The following LIPA variants were observed in gnomAD, a reference collection of about 807,000 sequenced individuals.
The protein encoded by LIPA is lipase A, lysosomal acid type.
A neutral mutation model predicts 40.6 loss-of-function variants in LIPA; 26 were observed. That is an observed-to-expected ratio of 0.64 (90% CI 0.47 to 0.89). LIPA has a LOEUF of 0.89. Among genes scored for constraint, LIPA ranks in the 40% least tolerant of loss-of-function variants. LIPA has a pLI of 0.00. For missense variants in LIPA, 455 were observed against 479.6 expected, an observed-to-expected ratio of 0.95 and a Z score of 0.48; for synonymous variants, 188 against 168.4, an observed-to-expected ratio of 1.12 and a Z score of -0.90.
chr10:89,392,640 A>G, intron 2 of LIPA: 1 of 1,557,036 alleles, frequency 6.4e-7, no homozygotes, highest in Non-Finnish European at 8.9e-7. Context: ...AATCCACAAG[A>G]CAGAATAGCC....
At chr10:89,305,897 C>A (rs1843474692) in intron 1 of LIPA, 2 of 1,132,810 alleles carry the variant, frequency 1.8e-6, no homozygotes, top group Non-Finnish European at 1.3e-6. Context: ...TTTTATTTGC[C>A]ATGCTCCCAT....
intron 1 of LIPA, among the ~76,000 whole-genome samples, chr10:89,293,046 T>A (rs1322452650): frequency 6.6e-6 from 1 of 152,072 alleles, no homozygotes; most frequent in Non-Finnish European, 1.5e-5. Flanking sequence ...CAAATTATAA[T>A]CCCCATAATC....
At chr10:89,222,267 G>A (rs1013026675) in intron 8 of LIPA, among the ~76,000 whole-genome samples, 1 of 152,182 alleles carries the variant, frequency 6.6e-6, no homozygotes, top group Non-Finnish European at 1.5e-5. Context: ...CTTGAGGAAG[G>A]GAGAGGAGGG....
At chr10:89,250,102 TC>T (rs1843095775) in intron 1 of LIPA, among the ~76,000 whole-genome samples, 7 of 124,310 alleles carry the variant, frequency 5.6e-5, no homozygotes, top group African/African-American at 1.7e-4. Context: ...TCTTTTCTTT[TC>T]TTTCTTTTTT....
intron 1 of LIPA, chr10:89,284,457 G>A (rs1843330812): frequency 6.6e-6 from 1 of 152,196 alleles, no homozygotes; most frequent in Non-Finnish European, 1.5e-5. Context: ...AGCCTCCAGT[G>A]AAGCTGGGCT....
At chr10:89,393,168 T>C in intron 2 of LIPA, 2 of 1,290,618 alleles carry the variant, frequency 1.5e-6, no homozygotes, top group Non-Finnish European at 2.0e-6. Flanking sequence ...TCTTGCAGCC[T>C]CTCTGATGTC....
At chr10:89,407,184 T>C (rs1841423603) in intron 2 of LIPA, among the ~76,000 whole-genome samples, 1 of 152,156 alleles carries the variant, frequency 6.6e-6, no homozygotes, top group East Asian at 1.9e-4. Flanking sequence ...TCATTGACCC[T>C]GCGGCCATGA....
At chr10:89,237,599 C>T (rs1041369760) in intron 3 of LIPA, among the ~76,000 whole-genome samples, 6 of 152,114 alleles carry the variant, frequency 3.9e-5, no homozygotes, top group African/African-American at 1.2e-4. Context: ...CTGCCCTTAC[C>T]TATAAATCTG....
intron 1 of LIPA, chr10:89,306,805 G>T: frequency 6.2e-7 from 1 of 1,614,090 alleles, no homozygotes; most frequent in Non-Finnish European, 8.5e-7. Flanking sequence ...ATGCCTACCT[G>T]CATTGCCAAA....
At chr10:89,339,113 A>G (rs758401174) in intron 1 of LIPA, 15 of 1,614,004 alleles carry the variant, frequency 9.3e-6, no homozygotes, top group Middle Eastern at 1.6e-4. Context: ...GGAAGAAATG[A>G]AAGGGCGAAG....
intron 2 of LIPA, chr10:89,392,856 T>C: frequency 2.3e-6 from 2 of 857,438 alleles, no homozygotes; most frequent in South Asian, 1.5e-5. Context: ...ATGGACTGAA[T>C]GTGTGCATGC....
chr10:89,317,330 G>A (rs1406719943), intron 1 of LIPA, among the ~76,000 whole-genome samples: 4 of 152,126 alleles, frequency 2.6e-5, no homozygotes, highest in Non-Finnish European at 5.9e-5. Context: ...AAAAAGATTC[G>A]ACGAATGGCT....
At chr10:89,355,438 C>A (rs188720846) in intron 2 of LIPA, among the ~76,000 whole-genome samples, 1 of 152,250 alleles carries the variant, frequency 6.6e-6, no homozygotes, top group Admixed American at 6.5e-5. Context: ...AGCCTGAAGG[C>A]TGCAATCCCC....
chr10:89,257,106 A>C (rs1843185276), intron 1 of LIPA, among the ~76,000 whole-genome samples: 1 of 152,258 alleles, frequency 6.6e-6, no homozygotes, highest in South Asian at 2.1e-4. Context: ...ACGAGGATCA[A>C]TAACAAGGGT....
chr10:89,225,841 G>A (rs553770940), intron 5 of LIPA, among the ~76,000 whole-genome samples: 1 of 152,218 alleles, frequency 6.6e-6, no homozygotes, highest in South Asian at 2.1e-4. Context: ...TAGTGAGTAA[G>A]TCTCTTGAGA....
chr10:89,217,076 C>T (rs989535549), intron 8 of LIPA, among the ~76,000 whole-genome samples: 1 of 152,120 alleles, frequency 6.6e-6, no homozygotes, highest in Non-Finnish European at 1.5e-5. Context: ...TCCATATTTC[C>T]TCTACACTCT....
At chr10:89,273,189 C>T (rs555391853) in intron 1 of LIPA, among the ~76,000 whole-genome samples, 1 of 148,520 alleles carries the variant, frequency 6.7e-6, no homozygotes, top group East Asian at 2.0e-4. Flanking sequence ...TTCTATTTTT[C>T]TCTTTGTTTT....
intron 1 of LIPA, among the ~76,000 whole-genome samples, chr10:89,260,419 G>A (rs951820296): frequency 2.6e-5 from 4 of 152,242 alleles, no homozygotes; most frequent in Admixed American, 6.5e-5. Flanking sequence ...GGGAACCTGA[G>A]GCTCAAAACA....
At chr10:89,293,602 T>G (rs1265109888) in intron 1 of LIPA, 1 of 152,134 alleles carries the variant, frequency 6.6e-6, no homozygotes, top group African/African-American at 2.4e-5. Context: ...CAAGTTGGTT[T>G]CTGGTGAGAC....
Sources: allele counts gnomAD v4.1 joint callset (sites outside exome capture counted in the v4.1 genomes callset), GRCh38; gene constraint gnomAD v4.1.1; transcripts MANE v1.5; gene names NCBI Gene and HGNC (gene_info 2026-07-23, HGNC 2026-07-21).